The following CRYZ variants were observed in gnomAD, a reference collection of about 807,000 sequenced individuals.
The protein encoded by CRYZ is zeta-crystallin.
A neutral mutation model predicts 34.1 loss-of-function variants in CRYZ; 35 were observed. The observed-to-expected ratio is 1.03, with a 90% confidence interval of 0.78 to 1.36. CRYZ has a LOEUF of 1.36. Among genes scored for constraint, CRYZ ranks in the 40% most tolerant of loss-of-function variants. The probability of loss-of-function intolerance (pLI) is 0.00; values close to 1 mark genes in which losing one functional copy is unlikely to be tolerated. For missense variants in CRYZ, 403 were observed against 391.8 expected (o/e 1.03, Z -0.24); for synonymous variants, 137 against 136.5 (o/e 1.00, Z -0.03).
At chr1:74,723,671 C>T (rs376380650) in intron 2 of CRYZ, among the ~76,000 whole-genome samples, 2 of 152,294 alleles carry the variant, frequency 1.3e-5, no homozygotes, top group South Asian at 4.1e-4. Flanking sequence ...TAGACACTTG[C>T]AGACCTGACC....
chr1:74,732,292 C>T lies in CRYZ; in HGVS notation c.-14+664G>A, dbSNP rs145118327. Among the ~76,000 whole-genome samples the T allele has an allele frequency of 6.5e-3, 882 of 135,708 alleles. 1 individual carries two copies. The highest frequency in any genetic ancestry group is 0.01 in the Non-Finnish European group (639 of 62,470). 89.0% of individuals were successfully genotyped at this position (135,708 alleles called of 152,430 possible). On this transcript the variant is annotated intron_variant, in intron 1 of 8. Transcript: ENST00000340866. ...GCACTACCTAGGAGAAGAAATCCCC[C>T]ACAGCTGGGCTGTGGGAAGGAGCCC...
rs1403445943 is a variant in CRYZ at position 74,719,300 on chromosome 1, T to C, written c.337A>G (p.Thr113Ala). ...AGTTTTTCAGGTAGTTTGTAAACAG[T>C]GTGGTCTGCTGCAAGAGCATACTCT... The part of the protein sequence containing the change: ...YAEYALAADH[T>A]VYKLPEKLDF... The change falls in exon 4 of 9, where the codon ACT (threonine) becomes GCT (alanine). Residue 113 changes from threonine to alanine, a missense_variant. Transcript: ENST00000340866. The C allele has an allele frequency of 1.2e-6, 2 of 1,613,878 alleles. No homozygotes were observed. Among genetic ancestry groups the C allele is most frequent in the South Asian group, 1.1e-5 (1 of 91,072 alleles).
At chr1:74,729,655 A>C (rs575644619) in intron 1 of CRYZ, among the ~76,000 whole-genome samples, 14 of 152,014 alleles carry the variant, frequency 9.2e-5, no homozygotes, top group African/African-American at 3.4e-4. Context: ...TCAAAAAAAA[A>C]AAAAAAAGCA....
chr1:74,710,143 A>G lies in CRYZ; in HGVS notation c.585T>C (p.His195=), dbSNP rs780700058. ...GQKIVLQNGA[H]EVFNHREVNY... ...TCACTTCTCTGTGATTGAACACTTC[A>G]TGGGCTCCATTTTGCAAAACAATCT... Residue 195 remains histidine, a synonymous_variant, in exon 6 of 9, where the codon CAT becomes CAC. Transcript: ENST00000340866. The G allele has an allele frequency of 1.2e-6, 2 of 1,613,830 alleles. No homozygotes were observed. Among genetic ancestry groups the G allele is most frequent in the South Asian group, 1.1e-5 (1 of 91,078 alleles).
intron 5 of CRYZ, among the ~76,000 whole-genome samples, chr1:74,714,085 T>G (rs1431965912): frequency 2.0e-5 from 3 of 151,842 alleles, no homozygotes; most frequent in Non-Finnish European, 2.9e-5. Flanking sequence ...ATACGTGCAC[T>G]CCATGGATGT....
At chr1:74,728,890 A>G (rs1029495600) in intron 1 of CRYZ, among the ~76,000 whole-genome samples, 1 of 152,146 alleles carries the variant, frequency 6.6e-6, no homozygotes, top group Non-Finnish European at 1.5e-5. Flanking sequence ...CGGCATAAAC[A>G]CTGCACTTTA....
chr1:74,729,017 T>C (rs559554265), intron 1 of CRYZ, among the ~76,000 whole-genome samples: 1 of 152,282 alleles, frequency 6.6e-6, no homozygotes, highest in South Asian at 2.1e-4. Flanking sequence ...GTCTTCACTC[T>C]AGCTCAGAAT....
chr1:74,726,217 C>G (rs998300578), intron 1 of CRYZ, among the ~76,000 whole-genome samples: 1 of 152,240 alleles, frequency 6.6e-6, no homozygotes, highest in African/African-American at 2.4e-5. Flanking sequence ...CCCTTCTGCA[C>G]TGCCCTAGCA....
chr1:74,724,994 C>T (rs1400777692), intron 1 of CRYZ, among the ~76,000 whole-genome samples, 160 bp from the exon 2 acceptor site: 8 of 152,194 alleles, frequency 5.3e-5, no homozygotes, highest in Middle Eastern at 3.2e-3. Context: ...TTTCATCTTA[C>T]AAATCCCTCA....
intron 4 of CRYZ, 44 bp from the exon 5 acceptor site, chr1:74,714,674 T>C: frequency 6.2e-7 from 1 of 1,601,418 alleles, no homozygotes; most frequent in Non-Finnish European, 8.6e-7. Context: ...TTTTTGAAGC[T>C]AATTAATCTC....
intron 1 of CRYZ, among the ~76,000 whole-genome samples, chr1:74,731,244 T>C (rs937379461): frequency 2.6e-5 from 4 of 152,218 alleles, no homozygotes; most frequent in Non-Finnish European, 5.9e-5. Flanking sequence ...TGTATCCATT[T>C]GATTTAAACG....
chr1:74,711,809 T>C (rs180868314), intron 5 of CRYZ, among the ~76,000 whole-genome samples: 3 of 152,230 alleles, frequency 2.0e-5, no homozygotes, highest in Admixed American at 6.5e-5. Flanking sequence ...AGTGCTCATC[T>C]ACTTACGGGC....
Position 74,733,014 on chromosome 1 carries a change from G to C in CRYZ, c.-72C>G. On this transcript the variant is annotated 5_prime_UTR_variant, in exon 1 of 9. Coordinates refer to ENST00000340866, the MANE Select transcript of CRYZ (RefSeq NM_001889.4). ...GCTTCTTCAGATTCCACAGAAATGAGGACTGCCACACCTTCTCCAACTTTT... is the reference window on the plus strand; with the variant it reads ...GCTTCTTCAGATTCCACAGAAATGACGACTGCCACACCTTCTCCAACTTTT... 1.8e-6 allele frequency: 1 copy of C among 560,438 alleles called. No homozygotes were observed. Among genetic ancestry groups the C allele is most frequent in the Non-Finnish European group, 3.1e-6 (1 of 321,706 alleles). 34.7% of individuals were successfully genotyped at this position (560,438 alleles called of 1,614,324 possible).
chr1:74,717,672 G>A (rs1647096440), intron 4 of CRYZ, among the ~76,000 whole-genome samples: 1 of 152,172 alleles, frequency 6.6e-6, no homozygotes, highest in South Asian at 2.1e-4. Flanking sequence ...CCCTTGAGAT[G>A]TTTAAGTAAC....
chr1:74,711,371 A>G (rs866402643), intron 5 of CRYZ, among the ~76,000 whole-genome samples: 11 of 152,332 alleles, frequency 7.2e-5, no homozygotes, highest in South Asian at 4.1e-4. Flanking sequence ...TAGCTGTTAG[A>G]ACAGTCTAGA....
chr1:74,719,448 A>G lies in CRYZ; in HGVS notation c.265-76T>C, dbSNP rs576886946. 109 of 1,373,306 alleles carry G rather than the reference A, an allele frequency of 7.9e-5. 1 individual carries two copies. In the Admixed American group the frequency reaches 2.3e-3, roughly 29 times the overall value. 85.1% of individuals were successfully genotyped at this position (1,373,306 alleles called of 1,614,324 possible). ...CAAAATAGGTATAATCCTTTATAAC[A>G]AGAAATAAGTGAGTACTCATATATT... On this transcript the variant is annotated intron_variant, in intron 3 of 8. Coordinates refer to ENST00000340866, the MANE Select transcript of CRYZ (RefSeq NM_001889.4).
At chr1:74,707,078 A>G (rs760599070) in intron 7 of CRYZ, 25 bp downstream of exon 7, 1 of 1,555,220 alleles carries the variant, frequency 6.4e-7, no homozygotes, top group Admixed American at 2.0e-5. Context: ...GTGGTAAAAA[A>G]AAAAAAAAGA....
At chr1:74,726,028 C>T (rs1209978828) in intron 1 of CRYZ, among the ~76,000 whole-genome samples, 1 of 152,176 alleles carries the variant, frequency 6.6e-6, no homozygotes. Context: ...GCAGGGTAAG[C>T]CTCCCTGCTG....
chr1:74,709,976 C>CACACCA (rs1646979157), intron 6 of CRYZ, 122 bp downstream of exon 6: 1 of 730,108 alleles, frequency 1.4e-6, no homozygotes, highest in Admixed American at 3.0e-5. Context: ...CATAAAAATT[C>CACACCA]ATCGCACTGA....
Sources: allele counts gnomAD v4.1 joint callset (sites outside exome capture counted in the v4.1 genomes callset), GRCh38; gene constraint gnomAD v4.1.1; transcripts MANE v1.5; gene names NCBI Gene and HGNC (gene_info 2026-07-23, HGNC 2026-07-21).